The following TSPEAR variants were observed in gnomAD, a reference collection of about 807,000 sequenced individuals.
TSPEAR encodes the protein thrombospondin-type laminin G domain and EAR repeat-containing protein.
A neutral mutation model predicts 71.6 loss-of-function variants in TSPEAR; 69 were observed. The ratio of observed to expected loss-of-function variants is 0.96; its 90% CI spans 0.79 to 1.18. The LOEUF is 1.18. TSPEAR is among the 50% of genes most tolerant of loss of function. The pLI, the probability that TSPEAR is intolerant of heterozygous loss-of-function variation, is 0.00. For missense variants in TSPEAR, 971 were observed against 894.9 expected (o/e 1.09, Z -1.09); for synonymous variants, 402 against 387.2 (o/e 1.04, Z -0.45).
chr21:44,627,754 C>T (rs1287397213), intron 1 of TSPEAR: 1 of 1,595,662 alleles, frequency 6.3e-7, no homozygotes, highest in Non-Finnish European at 8.6e-7. Flanking sequence ...CTGCTGCAAA[C>T]CCATCTGCTG....
intron 1 of TSPEAR, among the ~76,000 whole-genome samples, chr21:44,640,542 T>C (rs57219044): frequency 0.013 from 1,918 of 152,332 alleles, 46 homozygotes; most frequent in African/African-American, 0.043. Context: ...CTTGTGAATT[T>C]TCTCTTGGTC....
intron 9 of TSPEAR, among the ~76,000 whole-genome samples, chr21:44,513,596 T>C (rs999512724): frequency 2.6e-5 from 4 of 152,248 alleles, no homozygotes; most frequent in Non-Finnish European, 5.9e-5. Context: ...CTTGCTGGGA[T>C]GATGGTGCTT....
At chr21:44,521,107 C>A (rs2838577) in intron 9 of TSPEAR, among the ~76,000 whole-genome samples, 3 of 152,038 alleles carry the variant, frequency 2.0e-5, no homozygotes, top group African/African-American at 4.8e-5. Flanking sequence ...AGAAGGACAC[C>A]AGGGAGGTGA....
chr21:44,676,824 C>T (rs587696312), intron 1 of TSPEAR: 2 of 950,508 alleles, frequency 2.1e-6, no homozygotes, highest in Non-Finnish European at 3.5e-6. Flanking sequence ...ACTTTTCTTC[C>T]AGCGTTTGTT....
chr21:44,541,146 C>T (rs773341005), intron 2 of TSPEAR, among the ~76,000 whole-genome samples: 6 of 152,134 alleles, frequency 3.9e-5, no homozygotes, highest in Admixed American at 2.6e-4. Context: ...TTCCTTTCTT[C>T]AAACGTAAGC....
chr21:44,538,232 G>A (rs924299464), intron 2 of TSPEAR, among the ~76,000 whole-genome samples: 2 of 152,162 alleles, frequency 1.3e-5, no homozygotes, highest in African/African-American at 2.4e-5. Flanking sequence ...CAGGGTGGCG[G>A]AGCCCCATGC....
intron 1 of TSPEAR, chr21:44,678,041 T>G (rs997373963): frequency 4.0e-6 from 3 of 754,854 alleles, no homozygotes; most frequent in Non-Finnish European, 7.1e-6. Context: ...TAGAGACAAC[T>G]CTGGGCCACA....
chr21:44,570,184 C>T (rs892597268), intron 1 of TSPEAR, among the ~76,000 whole-genome samples: 6 of 152,192 alleles, frequency 3.9e-5, no homozygotes, highest in East Asian at 1.9e-4. Flanking sequence ...TGCTGAGCCC[C>T]GGGATAGACA....
chr21:44,590,471 G>C (rs587663328), intron 1 of TSPEAR, among the ~76,000 whole-genome samples: 34 of 152,272 alleles, frequency 2.2e-4, no homozygotes, highest in Admixed American at 2.0e-3. Flanking sequence ...CCGCAGGCTT[G>C]GTTAGTGGGT....
At chr21:44,598,104 C>T (rs1980489313) in intron 1 of TSPEAR, among the ~76,000 whole-genome samples, 1 of 152,060 alleles carries the variant, frequency 6.6e-6, no homozygotes, top group Non-Finnish European at 1.5e-5. Context: ...TTCTTTCTGA[C>T]TTTACTACAT....
intron 9 of TSPEAR, among the ~76,000 whole-genome samples, chr21:44,515,131 G>C (rs587600432): frequency 6.6e-6 from 1 of 152,306 alleles, no homozygotes; most frequent in East Asian, 1.9e-4. Flanking sequence ...GTTCATGAAA[G>C]ACATTGCAAA....
chr21:44,647,576 T>G (rs1361499938), intron 1 of TSPEAR: 8 of 618,188 alleles, frequency 1.3e-5, no homozygotes, highest in Non-Finnish European at 2.3e-5. Flanking sequence ...TGGAGCCCCC[T>G]TCTCCAAATG....
At chr21:44,522,136 G>C in intron 8 of TSPEAR, 24 bp from the exon 9 acceptor site, 1 of 1,607,116 alleles carries the variant, frequency 6.2e-7, no homozygotes, top group Non-Finnish European at 8.5e-7. Context: ...ACTGTGCTGG[G>C]GGCAGGGAGG....
At chr21:44,639,138 G>T (rs1983866884) in intron 1 of TSPEAR, among the ~76,000 whole-genome samples, 1 of 152,134 alleles carries the variant, frequency 6.6e-6, no homozygotes, top group Non-Finnish European at 1.5e-5. Flanking sequence ...TAGACATTCA[G>T]GGTCCTGGCT....
At chr21:44,637,792 A>T (rs375741841) in intron 1 of TSPEAR, 3 of 1,358,278 alleles carry the variant, frequency 2.2e-6, no homozygotes, top group Non-Finnish European at 3.0e-6. Context: ...CTTCCCCTTC[A>T]TGCTGCCAGC....
intron 2 of TSPEAR, among the ~76,000 whole-genome samples, chr21:44,547,162 TG>T: frequency 6.6e-6 from 1 of 152,370 alleles, no homozygotes; most frequent in South Asian, 2.1e-4. Flanking sequence ...AATCTGCTGT[TG>T]AAACCCTATC....
chr21:44,580,704 G>T lies in TSPEAR; in HGVS notation c.83-12699C>A, dbSNP rs1601443161. The T allele has an allele frequency of 4.8e-6, 5 of 1,038,180 alleles. No homozygotes were observed. In the East Asian group the frequency reaches 7.5e-5, roughly 16 times the overall value. 64.3% of individuals were successfully genotyped at this position (1,038,180 alleles called of 1,614,324 possible). ...TGTGGGGCTTTTAAATCCCTCCCTG[G>T]CGTGTGTTGTCCCGACAGGAGGCTC... On this transcript the variant is annotated intron_variant, in intron 1 of 11. Coordinates refer to ENST00000323084, the MANE Select transcript of TSPEAR (RefSeq NM_144991.3).
chr21:44,530,636 C>G (rs1483643069), intron 4 of TSPEAR, among the ~76,000 whole-genome samples: 3 of 152,274 alleles, frequency 2.0e-5, no homozygotes, highest in African/African-American at 7.2e-5. Flanking sequence ...AGACACTGGA[C>G]TCAGCAGGGA....
chr21:44,512,913 C>T (rs961511756), intron 9 of TSPEAR, among the ~76,000 whole-genome samples: 25 of 152,270 alleles, frequency 1.6e-4, no homozygotes, highest in Non-Finnish European at 3.1e-4. Flanking sequence ...GCCTGGGGGG[C>T]CGGGGGCGGC....
Sources: allele counts gnomAD v4.1 joint callset (sites outside exome capture counted in the v4.1 genomes callset), GRCh38; gene constraint gnomAD v4.1.1; transcripts MANE v1.5; gene names NCBI Gene and HGNC (gene_info 2026-07-23, HGNC 2026-07-21).